PUM2: variants seen among roughly 807,000 people sequenced by gnomAD.
The protein encoded by PUM2 is pumilio RNA binding family member 2, also known as pumilio homolog 2.
Under a neutral mutation model 124.5 loss-of-function variants are expected in PUM2, and 57 were observed. That is an observed-to-expected ratio of 0.46 (90% CI 0.37 to 0.57). PUM2 has a LOEUF of 0.57. Among genes scored for constraint, PUM2 ranks in the 20% least tolerant of loss-of-function variants. PUM2 has a pLI of 0.00. For synonymous variants in PUM2, 460 were observed against 446.1 expected (o/e 1.03, Z -0.39); for missense variants, 1,065 against 1,290.6 (o/e 0.83, Z 2.68).
chr2:20,292,846 G>A (rs1489135660), intron 9 of PUM2, among the ~76,000 whole-genome samples: 5 of 152,108 alleles, frequency 3.3e-5, no homozygotes, highest in Non-Finnish European at 7.4e-5. Context: ...CAAGAGAATT[G>A]CTGCCGGGAG....
At chr2:20,306,084 G>C (rs1678200381) in intron 7 of PUM2, among the ~76,000 whole-genome samples, 1 of 151,906 alleles carries the variant, frequency 6.6e-6, no homozygotes, top group Non-Finnish European at 1.5e-5. Context: ...GTGCACCTGT[G>C]GTCCCAGCTA....
intron 13 of PUM2, among the ~76,000 whole-genome samples, chr2:20,268,666 G>C (rs999317069): frequency 1.3e-5 from 2 of 151,726 alleles, no homozygotes; most frequent in African/African-American, 4.9e-5. Context: ...ATGTATGTCA[G>C]ATACATTTAA....
rs561736841 is a variant in PUM2, at chr2:20,270,268, G to A, written c.1958-6808C>T. Among the ~76,000 whole-genome samples, 182 of 152,236 alleles carry A rather than the reference G, an allele frequency of 1.2e-3. 1 individual carries two copies. The highest frequency in any genetic ancestry group is 0.01 in the South Asian group (50 of 4,828). On this transcript the variant is annotated intron_variant, in intron 13 of 20. Transcript: ENST00000361078. ...TACATTTGGTAATAAGTTAACAAACGAGCAAGCCATATCTGAATTTCCTTT... is the reference window on the plus strand; with the variant it reads ...TACATTTGGTAATAAGTTAACAAACAAGCAAGCCATATCTGAATTTCCTTT...
intron 13 of PUM2, 46 bp from the exon 14 acceptor site, chr2:20,263,506 T>C (rs1389241932): frequency 1.3e-6 from 2 of 1,541,612 alleles, no homozygotes; most frequent in Non-Finnish European, 1.8e-6. Flanking sequence ...GACAAAGTTA[T>C]TCCTCAAATA....
chr2:20,327,506 G>T (rs1048006681), intron 1 of PUM2, 128 bp from the exon 2 acceptor site: 3 of 603,690 alleles, frequency 5.0e-6, no homozygotes, highest in Non-Finnish European at 8.4e-6. Context: ...ACTGATTTCT[G>T]TAGGGAAGAC....
chr2:20,260,714 T>TGC (rs1199419834), intron 14 of PUM2, among the ~76,000 whole-genome samples: 11 of 152,360 alleles, frequency 7.2e-5, no homozygotes, highest in African/African-American at 2.6e-4. Flanking sequence ...TTGGTTACAT[T>TGC]ATAATCAATA....
rs1331165699 is a variant in PUM2 at position 20,278,343 on chromosome 2, C to G, written c.1957+240G>C. On this transcript the variant is annotated intron_variant, in intron 13 of 20. Transcript: ENST00000361078. ...AAAAGCACAGACAAGAAAAAACACA[C>G]CATTATATTTCATAAAAAAAACATA... is the stretch of plus-strand genomic sequence containing the variant. 2.0e-5 allele frequency among the ~76,000 whole-genome samples: 3 copies of G among 151,894 alleles called. No homozygotes were observed. In the East Asian group the frequency reaches 5.8e-4, roughly 29 times the overall value.
At chr2:20,348,193 A>G (rs953605376) in intron 1 of PUM2, among the ~76,000 whole-genome samples, 74 of 151,606 alleles carry the variant, frequency 4.9e-4, no homozygotes, top group African/African-American at 1.6e-3. Flanking sequence ...AATAATAAAG[A>G]AAAAAAGCAA....
intron 15 of PUM2, among the ~76,000 whole-genome samples, chr2:20,259,517 G>A (rs1258479801): frequency 6.6e-6 from 1 of 152,124 alleles, no homozygotes; most frequent in Non-Finnish European, 1.5e-5. Flanking sequence ...TTTCATACTG[G>A]TAGATCACTA....
intron 9 of PUM2, among the ~76,000 whole-genome samples, chr2:20,293,940 C>T (rs1176041053): frequency 2.0e-5 from 3 of 151,852 alleles, no homozygotes; most frequent in Non-Finnish European, 4.4e-5. Context: ...TAAAGCTAAC[C>T]TTTAGTGAAA....
At chr2:20,350,009 G>A (rs1474442599) in intron 1 of PUM2, among the ~76,000 whole-genome samples, 2 of 152,166 alleles carry the variant, frequency 1.3e-5, no homozygotes, top group Non-Finnish European at 2.9e-5. Flanking sequence ...AATAGTAGAA[G>A]CCGCTAATCT....
chr2:20,326,250 C>T, intron 2 of PUM2: 1 of 1,302,354 alleles, frequency 7.7e-7, no homozygotes, highest in Non-Finnish European at 1.0e-6. Flanking sequence ...AGCTTAAGCA[C>T]CTTAACTCAC....
At chr2:20,285,477 C>T (rs1485636451) in intron 10 of PUM2, among the ~76,000 whole-genome samples, 1 of 152,172 alleles carries the variant, frequency 6.6e-6, no homozygotes, top group Non-Finnish European at 1.5e-5. Flanking sequence ...TTACCTGGTA[C>T]TCATGTACCT....
At chr2:20,296,610 C>T (rs1477184513) in intron 8 of PUM2, among the ~76,000 whole-genome samples, 2 of 151,586 alleles carry the variant, frequency 1.3e-5, no homozygotes, top group East Asian at 1.9e-4. Context: ...CCAGCCCCCC[C>T]AAAAACAACA....
intron 10 of PUM2, 51 bp from the exon 11 acceptor site, chr2:20,283,537 AT>A: frequency 6.5e-7 from 1 of 1,538,668 alleles, no homozygotes; most frequent in Non-Finnish European, 8.9e-7. Context: ...AAAAACATGC[AT>A]ATTTGTTTTT....
At chr2:20,351,192 G>A (rs1394474003), upstream of PUM2, among the ~76,000 whole-genome samples, 1 of 152,130 alleles carries the variant, frequency 6.6e-6, no homozygotes, top group Admixed American at 6.5e-5. Context: ...CTACCCGGTT[G>A]CTCACTGTTT....
chr2:20,250,171 T>A lies in PUM2; in HGVS notation c.*1414A>T, dbSNP rs114453985. The A allele has an allele frequency of 6.6e-6, 1 of 152,624 alleles. No individual in the cohort carries two copies. Among genetic ancestry groups the A allele is most frequent in the South Asian group, 2.1e-4 (1 of 4,828 alleles). The allele number at this position is 152,624 out of a possible 1,614,324, so 9.5% of individuals were successfully genotyped here. A position where few individuals can be genotyped will look rare whatever the true frequency, so the allele number is the denominator to read the frequency against. On this transcript the variant is annotated 3_prime_UTR_variant, in exon 21 of 21. Transcript: ENST00000361078. ...ATTATGCACAATACCCTGACTTCAA[T>A]TGAAAGTGATCCAAATTCTAGCAGG...
rs1397890666 is a variant in PUM2, at chr2:20,308,356, T to G, written c.747A>C (p.Ser249=). ...YPGNQVPMDS[S]GATVGLFDYN... is the part of the protein sequence containing the mutation. Reference sequence around the variant, plus strand: ...AGTCAAAAAGGCCTACAGTAGCTCCTGAAGAGTCCATTGGTACCTGATTAC... The same window carrying G: ...AGTCAAAAAGGCCTACAGTAGCTCCGGAAGAGTCCATTGGTACCTGATTAC... The change falls in exon 6 of 21, where the codon TCA becomes TCC. Residue 249 remains serine, a synonymous_variant. Coordinates refer to ENST00000361078, the MANE Select transcript of PUM2 (RefSeq NM_015317.5). 6.2e-7 allele frequency: 1 copy of G among 1,614,092 alleles called. No homozygotes were observed. Among genetic ancestry groups the G allele is most frequent in the East Asian group, 2.2e-5 (1 of 44,884 alleles).
intron 9 of PUM2, among the ~76,000 whole-genome samples, chr2:20,293,373 G>C (rs529172820): frequency 1.2e-4 from 18 of 152,302 alleles, no homozygotes; most frequent in Admixed American, 8.5e-4. Flanking sequence ...TGATGTCAAA[G>C]GACTGAGCCA....
Sources: gnomAD v4.1 joint callset for allele counts (sites outside exome capture counted in the v4.1 genomes callset) on GRCh38, gnomAD v4.1.1 for gene constraint, MANE v1.5 for transcripts, NCBI Gene and HGNC (gene_info 2026-07-23, HGNC 2026-07-21) for gene names.